SMAD6: variants seen among roughly 807,000 people sequenced by gnomAD.
SMAD6 encodes SMAD family member 6.
A neutral mutation model predicts 39.4 loss-of-function variants in SMAD6; 103 were observed. That is an observed-to-expected ratio of 2.62 (90% CI 2.23 to 3.08). SMAD6 has a LOEUF of 3.08. Ranked by LOEUF, SMAD6 falls within the 30% of genes most tolerant of loss-of-function variation. SMAD6 has a pLI of 0.00. For synonymous variants in SMAD6, 445 were observed against 353.3 expected (o/e 1.26, Z -2.91); for missense variants, 1,104 against 742.9 (o/e 1.49, Z -5.65).
intron 3 of SMAD6, among the ~76,000 whole-genome samples, chr15:66,725,152 G>T (rs539994017): frequency 2.6e-4 from 39 of 152,270 alleles, no homozygotes; most frequent in Admixed American, 7.8e-4. Flanking sequence ...ATATCCTGAA[G>T]GCACTTTGTC....
chr15:66,738,684 G>A (rs1401341616), intron 3 of SMAD6, among the ~76,000 whole-genome samples: 1 of 152,090 alleles, frequency 6.6e-6, no homozygotes, highest in African/African-American at 2.4e-5. Flanking sequence ...GCTTTGTCCA[G>A]GGAGCGTGTC....
chr15:66,702,978 A>C lies in SMAD6; in HGVS notation c.-281A>C. 1.0e-5 allele frequency: 3 copies of C among 293,820 alleles called. No homozygotes were observed. The highest frequency in any genetic ancestry group is 1.3e-5 in the Non-Finnish European group (2 of 157,348). The allele number at this position is 293,820 out of a possible 1,614,324, so 18.2% of individuals were successfully genotyped here. A position where few individuals can be genotyped will look rare whatever the true frequency, so the allele number is the denominator to read the frequency against. ...AGCCCCCCTAAAGCGCGGGGGCTGG[A>C]GTTGTTGAGCAGCCCCGCCGCTGTG... On this transcript the variant is annotated 5_prime_UTR_variant, in exon 1 of 4. Transcript: ENST00000288840.
chr15:66,734,049 G>A (rs969981729), intron 3 of SMAD6, among the ~76,000 whole-genome samples: 10 of 152,208 alleles, frequency 6.6e-5, no homozygotes, highest in African/African-American at 2.4e-4. Flanking sequence ...ACTGGGAAAG[G>A]CAACCCAGCA....
intron 3 of SMAD6, among the ~76,000 whole-genome samples, chr15:66,734,412 A>T (rs1044941692): frequency 3.3e-5 from 5 of 152,182 alleles, no homozygotes; most frequent in African/African-American, 1.2e-4. Context: ...CACTGCAGAC[A>T]GCTCGGGAAA....
intron 1 of SMAD6, chr15:66,706,826 G>C (rs1217915890): frequency 6.6e-6 from 1 of 152,354 alleles, no homozygotes; most frequent in Non-Finnish European, 1.5e-5. Flanking sequence ...CTGCTGTTCA[G>C]AGCCCACTCT....
At chr15:66,707,051 G>C (rs1179335844) in intron 1 of SMAD6, 1 of 152,226 alleles carries the variant, frequency 6.6e-6, no homozygotes, top group African/African-American at 2.4e-5. Flanking sequence ...GCATGGGCTA[G>C]GGGCCTCCTG....
intron 2 of SMAD6, among the ~76,000 whole-genome samples, chr15:66,712,389 GT>G (rs970967892): frequency 2.0e-5 from 3 of 152,138 alleles, no homozygotes; most frequent in African/African-American, 7.2e-5. Context: ...GATGTAAGTG[GT>G]TTCAAAAGTA....
At chr15:66,721,683 C>T (rs960055804) in intron 3 of SMAD6, among the ~76,000 whole-genome samples, 1 of 152,188 alleles carries the variant, frequency 6.6e-6, no homozygotes. Context: ...GCCTGTGAGT[C>T]AGCCAAGGCC....
At chr15:66,774,596 G>C (rs991424050) in intron 3 of SMAD6, among the ~76,000 whole-genome samples, 3 of 152,038 alleles carry the variant, frequency 2.0e-5, no homozygotes, top group Non-Finnish European at 4.4e-5. Context: ...AGCCCTGCTG[G>C]GGCCGCTCTA....
At position 66,774,551 on chromosome 15, in the gene SMAD6, G is replaced by A. The variant is rs556571127; in HGVS notation, c.953-6446G>A. ...GGTGGCAGGAATGTGGGTGCCACCG[G>A]GAGGGAACAGGGCTTGTCCCCTGGG... On this transcript the variant is annotated intron_variant, in intron 3 of 3. Transcript: ENST00000288840. 2.0e-5 allele frequency among the ~76,000 whole-genome samples: 3 copies of A among 152,324 alleles called. No individual in the cohort carries two copies. The South Asian group carries it at 6.2e-4, about 32-fold the overall frequency.
chr15:66,750,198 C>T (rs1213518077), intron 3 of SMAD6, among the ~76,000 whole-genome samples: 1 of 152,158 alleles, frequency 6.6e-6, no homozygotes, highest in Non-Finnish European at 1.5e-5. Context: ...TTGGGCCAGT[C>T]ACCACTGAGT....
At chr15:66,719,598 A>G (rs1470896782) in intron 3 of SMAD6, among the ~76,000 whole-genome samples, 1 of 152,098 alleles carries the variant, frequency 6.6e-6, no homozygotes, top group Non-Finnish European at 1.5e-5. Flanking sequence ...CACAATGACA[A>G]TCCCAGCGCT....
At chr15:66,721,612 C>T (rs1893433363) in intron 3 of SMAD6, among the ~76,000 whole-genome samples, 1 of 152,168 alleles carries the variant, frequency 6.6e-6, no homozygotes, top group Admixed American at 6.5e-5. Flanking sequence ...AGTTTTCTCA[C>T]TTGTAAAATG....
At chr15:66,771,965 T>G (rs1156380605) in intron 3 of SMAD6, among the ~76,000 whole-genome samples, 1 of 151,982 alleles carries the variant, frequency 6.6e-6, no homozygotes, top group East Asian at 1.9e-4. Context: ...TGTTAAGGTG[T>G]GATATTTGAA....
chr15:66,726,410 G>A (rs564095987), intron 3 of SMAD6, among the ~76,000 whole-genome samples: 1 of 152,208 alleles, frequency 6.6e-6, no homozygotes, highest in Admixed American at 6.5e-5. Context: ...GGGATTGTCT[G>A]TCTCAGGCCC....
At chr15:66,750,958 C>T (rs1050760540) in intron 3 of SMAD6, among the ~76,000 whole-genome samples, 2 of 152,074 alleles carry the variant, frequency 1.3e-5, no homozygotes, top group Admixed American at 1.3e-4. Flanking sequence ...GTGAGCAGAG[C>T]GCCGGCAGAG....
rs1300835483 is a variant in SMAD6, at chr15:66,781,327, G to A, written c.1283G>A (p.Arg428His). The A allele has an allele frequency of 5.6e-6, 9 of 1,598,778 alleles. No individual in the cohort carries two copies. The highest frequency in any genetic ancestry group is 1.1e-5 in the South Asian group (1 of 90,814). Residue 428 changes from arginine (R) to histidine (H), a missense_variant, in exon 4 of 4, where the codon CGC becomes CAC. Physicochemically the swap from Arg to His is conservative, Grantham distance 29. Coordinates refer to ENST00000288840, the MANE Select transcript of SMAD6 (RefSeq NM_005585.5). Reference sequence around the variant, plus strand: ...CCCGGCGGCCGCGCCCTGGTCGTGCGCAAGGTGCCCCCCGGCTACTCCATC... The same window carrying A: ...CCCGGCGGCCGCGCCCTGGTCGTGCACAAGGTGCCCCCCGGCTACTCCATC... ...DAPGGRALVV[R>H]KVPPGYSIKV...
intron 3 of SMAD6, among the ~76,000 whole-genome samples, chr15:66,731,330 T>C (rs968768156): frequency 2.0e-5 from 3 of 148,586 alleles, no homozygotes; most frequent in Non-Finnish European, 4.5e-5. Flanking sequence ...CCCAGCTACT[T>C]GGGAGGCTGA....
intron 3 of SMAD6, among the ~76,000 whole-genome samples, chr15:66,756,184 TG>T (rs2140653741): frequency 1.3e-5 from 2 of 152,124 alleles, no homozygotes; most frequent in South Asian, 4.2e-4. Context: ...GAAAATATTG[TG>T]GGTACGTGGA....
Sources: allele counts gnomAD v4.1 joint callset (sites outside exome capture counted in the v4.1 genomes callset), GRCh38; gene constraint gnomAD v4.1.1; transcripts MANE v1.5; gene names NCBI Gene and HGNC (gene_info 2026-07-23, HGNC 2026-07-21).